Variants in DMXL1 observed in about 807,000 individuals in gnomAD.
DMXL1 encodes Dmx like 1.
Under a neutral mutation model 319.2 loss-of-function variants are expected in DMXL1, and 99 were observed. That is an observed-to-expected ratio of 0.31 (90% CI 0.26 to 0.37). The LOEUF is 0.37. Ranked by LOEUF, DMXL1 falls within the 10% of genes least tolerant of loss-of-function variation. The probability of loss-of-function intolerance (pLI) is 1.00; values close to 1 mark genes in which losing one functional copy is unlikely to be tolerated. For synonymous variants in DMXL1, 1,385 were observed against 1,235.2 expected (o/e 1.12, Z -2.54); for missense variants, 3,745 against 3,595.6 (o/e 1.04, Z -1.06).
chr5:119,114,265 C>A (rs1262783062), intron 5 of DMXL1, among the ~76,000 whole-genome samples: 3 of 152,176 alleles, frequency 2.0e-5, no homozygotes, highest in Admixed American at 6.5e-5. Context: ...TTTTGACAAG[C>A]CATTCCTTCC....
Position 119,133,892 on chromosome 5 carries a change from A to G in DMXL1, c.1968A>G (p.Ser656=). Residue 656 remains serine (S), a synonymous_variant, in exon 12 of 44, where the codon TCA becomes TCG. Coordinates refer to ENST00000539542, the MANE Select transcript of DMXL1 (RefSeq NM_001290321.3). ...TATTACCATTATTGCTGACAACATC[A>G]CACCATAATGCATTAAGGACACCAG... The part of the protein sequence containing the change: ...HSVLPLLLTT[S]HHNALRTPDV... The G allele has an allele frequency of 6.2e-7, 1 of 1,614,142 alleles. No individual in the cohort carries two copies. Among genetic ancestry groups the G allele is most frequent in the Middle Eastern group, 1.6e-4 (1 of 6,062 alleles).
intron 1 of DMXL1, among the ~76,000 whole-genome samples, chr5:119,085,368 A>T (rs898891099): frequency 6.6e-6 from 1 of 150,512 alleles, no homozygotes; most frequent in African/African-American, 2.4e-5. Context: ...AAATAAATAT[A>T]ATAATAATAA....
At chr5:119,100,770 C>CTTTTTTTTT (rs397999092) in intron 2 of DMXL1, 13 of 62,716 alleles carry the variant, frequency 2.1e-4, no homozygotes, top group Admixed American at 2.8e-4. Flanking sequence ...CATCTGTTTT[C>CTTTTTTTTT]TTTTTTTTTT....
chr5:119,072,764 A>C (rs372320868), intron 1 of DMXL1, among the ~76,000 whole-genome samples: 6 of 152,158 alleles, frequency 3.9e-5, no homozygotes, highest in African/African-American at 7.2e-5. Context: ...TTTGTTTTCA[A>C]ATAGAGACTG....
chr5:119,168,310 C>T (rs1195333875), intron 23 of DMXL1, among the ~76,000 whole-genome samples: 1 of 152,132 alleles, frequency 6.6e-6, no homozygotes, highest in African/African-American at 2.4e-5. Context: ...ACTGGTAGAG[C>T]TTATGTACTC....
At chr5:119,145,851 A>G (rs545693705) in intron 15 of DMXL1, among the ~76,000 whole-genome samples, 1 of 151,882 alleles carries the variant, frequency 6.6e-6, no homozygotes, top group South Asian at 2.1e-4. Context: ...CTTTTGCTCT[A>G]TTATGAAGAA....
At position 119,118,818 on chromosome 5, in the gene DMXL1, T is replaced by G; in HGVS notation, c.747T>G (p.Ala249=). Residue 249 remains alanine, a synonymous_variant, in exon 8 of 44, where the codon GCT becomes GCG. Transcript: ENST00000539542. ...WRKTSKYMPR[A]SVCNVLLTCC... is the part of the protein sequence containing the mutation. Reference sequence around the variant, plus strand: ...CTAAAATCTTTTCATTCCTTAGGGCTTCTGTATGTAATGTACTGTTGACTT... The same window carrying G: ...CTAAAATCTTTTCATTCCTTAGGGCGTCTGTATGTAATGTACTGTTGACTT... The G allele has an allele frequency of 6.3e-7, 1 of 1,596,922 alleles. No homozygotes were observed. Among genetic ancestry groups the G allele is most frequent in the Non-Finnish European group, 8.5e-7 (1 of 1,174,532 alleles).
intron 38 of DMXL1, among the ~76,000 whole-genome samples, chr5:119,232,121 T>C (rs1786858580): frequency 6.6e-6 from 1 of 152,098 alleles, no homozygotes. Context: ...GCTAGTACTA[T>C]AGGTGTGTGC....
At chr5:119,117,827 T>C (rs929340978) in intron 7 of DMXL1, among the ~76,000 whole-genome samples, 2 of 152,248 alleles carry the variant, frequency 1.3e-5, no homozygotes, top group African/African-American at 4.8e-5. Context: ...ACTTCTTTTT[T>C]AGTCAGTTAG....
chr5:119,201,869 G>A (rs1012867110), intron 32 of DMXL1, among the ~76,000 whole-genome samples: 8 of 152,138 alleles, frequency 5.3e-5, no homozygotes, highest in Non-Finnish European at 1.0e-4. Context: ...GGTGTCCATA[G>A]TAGTTTCTGA....
intron 2 of DMXL1, among the ~76,000 whole-genome samples, chr5:119,099,446 C>T (rs955304200): frequency 2.0e-5 from 3 of 152,020 alleles, no homozygotes; most frequent in African/African-American, 7.2e-5. Context: ...CCTGACCTAG[C>T]GATTTGCCCT....
rs146015034 is a variant in DMXL1 at position 119,112,983 on chromosome 5, G to A, written c.498-1492G>A. Among the ~76,000 whole-genome samples, 616 of 152,124 alleles carry A rather than the reference G, an allele frequency of 4.0e-3. 5 individuals carry two copies. Among genetic ancestry groups the A allele is most frequent in the African/African-American group, 0.014 (599 of 41,534 alleles). ...TAAAAAAAAGAAAAAAATAATAATA[G>A]TATTTTGTCTTAAGGATATCCTTAG... On this transcript the variant is annotated intron_variant, in intron 5 of 43. Coordinates refer to ENST00000539542, the MANE Select transcript of DMXL1 (RefSeq NM_001290321.3).
intron 1 of DMXL1, among the ~76,000 whole-genome samples, chr5:119,076,095 A>ATATATAAGACTAACTG (rs1750796192): frequency 6.6e-6 from 1 of 152,170 alleles, no homozygotes; most frequent in Non-Finnish European, 1.5e-5. Context: ...GATTGTACCA[A>ATATATAAGACTAACTG]TATATAAGAC....
At chr5:119,075,504 A>G (rs1006153851) in intron 1 of DMXL1, among the ~76,000 whole-genome samples, 1 of 151,766 alleles carries the variant, frequency 6.6e-6, no homozygotes, top group Non-Finnish European at 1.5e-5. Context: ...CTCCCCACGT[A>G]CTGGGATTAC....
chr5:119,126,013 G>A (rs1279824789), intron 9 of DMXL1, among the ~76,000 whole-genome samples: 1 of 152,098 alleles, frequency 6.6e-6, no homozygotes, highest in Admixed American at 6.6e-5. Context: ...GTTATTGACT[G>A]GGTTCGATGG....
chr5:119,148,530 G>T (rs1001404638), intron 17 of DMXL1, among the ~76,000 whole-genome samples: 2 of 152,006 alleles, frequency 1.3e-5, no homozygotes, highest in African/African-American at 4.8e-5. Flanking sequence ...GTCATTAAAA[G>T]CCTCTTTCTT....
rs751592177 is a variant in DMXL1 at position 119,150,287 on chromosome 5, A to G, written c.4460A>G (p.Gln1487Arg). The change falls in exon 18 of 44, where the codon CAG (glutamine) becomes CGG (arginine). Residue 1487 changes from glutamine to arginine, a missense_variant. Physicochemically the swap from Gln to Arg is conservative, Grantham distance 43. Coordinates refer to ENST00000539542, the MANE Select transcript of DMXL1 (RefSeq NM_001290321.3). Reference sequence around the variant, plus strand: ...ACTTACTTTGGACCTGAGCATGCTCAGGTTCTTTCTGGCCACTTACTTCAT... The same window carrying G: ...ACTTACTTTGGACCTGAGCATGCTCGGGTTCTTTCTGGCCACTTACTTCAT... ...SPTYFGPEHAQVLSGHLLHSS... is the reference protein window; with the variant it reads ...SPTYFGPEHARVLSGHLLHSS... 13 of 1,613,724 alleles carry G rather than the reference A, an allele frequency of 8.1e-6. No individual in the cohort carries two copies. Among genetic ancestry groups the G allele is most frequent in the South Asian group, 4.4e-5 (4 of 91,070 alleles).
chr5:119,111,189 A>T (rs1271806844), intron 5 of DMXL1, among the ~76,000 whole-genome samples: 1 of 143,662 alleles, frequency 7.0e-6, no homozygotes, highest in Non-Finnish European at 1.5e-5. Context: ...GTGAGATGGA[A>T]AAAATTTCTA....
intron 32 of DMXL1, among the ~76,000 whole-genome samples, chr5:119,198,540 A>C (rs150185034): frequency 4.6e-5 from 7 of 152,340 alleles, no homozygotes; most frequent in African/African-American, 1.7e-4. Context: ...TTAAGAGGAA[A>C]GTTTATAGCA....
Sources: allele counts gnomAD v4.1 joint callset (sites outside exome capture counted in the v4.1 genomes callset), GRCh38; gene constraint gnomAD v4.1.1; transcripts MANE v1.5; gene names NCBI Gene and HGNC (gene_info 2026-07-23, HGNC 2026-07-21).